The following RYR2 variants were observed in gnomAD, a reference collection of about 807,000 sequenced individuals.
RYR2 encodes the protein cardiac muscle ryanodine receptor-calcium release channel.
RYR2 carries 227 observed loss-of-function variants against 601.1 expected under a neutral mutation model. The ratio of observed to expected loss-of-function variants is 0.38; its 90% CI spans 0.34 to 0.42. The LOEUF is 0.42. Ranked by LOEUF, RYR2 falls within the 10% of genes least tolerant of loss-of-function variation. The probability of loss-of-function intolerance (pLI) is 1.00; values close to 1 mark genes in which losing one functional copy is unlikely to be tolerated. For missense variants in RYR2, 4,646 were observed against 6,156.5 expected (o/e 0.75, Z 8.21); for synonymous variants, 2,223 against 2,175.1 (o/e 1.02, Z -0.61).
intron 1 of RYR2, among the ~76,000 whole-genome samples, chr1:237,196,934 T>C (rs1680639485): frequency 6.6e-6 from 1 of 152,220 alleles, no homozygotes; most frequent in Non-Finnish European, 1.5e-5. Context: ...TGTTCCTGTT[T>C]AAAGTAACTG....
At chr1:237,524,139 CAA>C (rs1299606254) in intron 24 of RYR2, among the ~76,000 whole-genome samples, 1 of 152,124 alleles carries the variant, frequency 6.6e-6, no homozygotes, top group Non-Finnish European at 1.5e-5. Flanking sequence ...TCATAAGAGC[CAA>C]AAACTGGAAA....
intron 1 of RYR2, among the ~76,000 whole-genome samples, chr1:237,114,032 G>A (rs914372222): frequency 1.3e-5 from 2 of 152,162 alleles, no homozygotes. Context: ...GGTCACCTGG[G>A]CATTTCTTTA....
chr1:237,355,923 ATTTG>A (rs537823252), intron 3 of RYR2, 38 bp from the exon 4 acceptor site: 18 of 1,547,814 alleles, frequency 1.2e-5, no homozygotes, highest in South Asian at 4.7e-5. Flanking sequence ...ATTGCTAGGT[ATTTG>A]TTTGTTTGTT....
At chr1:237,203,265 G>C (rs866712409) in intron 1 of RYR2, among the ~76,000 whole-genome samples, 2 of 152,180 alleles carry the variant, frequency 1.3e-5, no homozygotes, top group African/African-American at 4.8e-5. Context: ...GTTAATACAG[G>C]TAGGTTACTT....
intron 53 of RYR2, among the ~76,000 whole-genome samples, chr1:237,656,402 A>G (rs2148825244): frequency 6.6e-6 from 1 of 152,286 alleles, no homozygotes; most frequent in East Asian, 1.9e-4. Flanking sequence ...ACCCATCACT[A>G]CATCTCAGCA....
intron 3 of RYR2, among the ~76,000 whole-genome samples, chr1:237,350,024 A>G (rs150544308): frequency 6.6e-6 from 1 of 152,166 alleles, no homozygotes; most frequent in African/African-American, 2.4e-5. Context: ...TGAGACCAAT[A>G]TAATACAAAT....
intron 12 of RYR2, among the ~76,000 whole-genome samples, chr1:237,438,856 C>T (rs1387725453): frequency 6.6e-6 from 1 of 152,186 alleles, no homozygotes; most frequent in Non-Finnish European, 1.5e-5. Flanking sequence ...GCTTTTGGTC[C>T]AAGTGCCTTT....
At chr1:237,347,365 T>C (rs1698395113) in intron 3 of RYR2, among the ~76,000 whole-genome samples, 1 of 152,078 alleles carries the variant, frequency 6.6e-6, no homozygotes, top group Non-Finnish European at 1.5e-5. Context: ...AAAATACATA[T>C]GTATAATAAT....
chr1:237,291,101 G>T (rs769722671), intron 2 of RYR2, among the ~76,000 whole-genome samples: 6 of 152,086 alleles, frequency 3.9e-5, no homozygotes, highest in Non-Finnish European at 8.8e-5. Context: ...GTTTAAGAAG[G>T]TCATAATTGG....
rs1181934517 is a variant in RYR2, at chr1:237,788,096, A to G, written c.13437A>G (p.Ala4479=). The change falls in exon 92 of 105, where the codon GCA becomes GCG. Residue 4479 remains alanine (A), a synonymous_variant. Transcript: ENST00000366574. ...GAGAACCAGAAGTGCCAGAGTCAGC[A>G]TTCTGGAAGAAAATCATAGCATATC... The part of the protein sequence containing the change: ...RYGEPEVPES[A]FWKKIIAYQQ... The G allele has an allele frequency of 6.2e-7, 1 of 1,611,972 alleles. No homozygotes were observed. The highest frequency in any genetic ancestry group is 8.5e-7 in the Non-Finnish European group (1 of 1,179,028).
intron 97 of RYR2, among the ~76,000 whole-genome samples, chr1:237,799,388 G>A (rs552165661): frequency 6.6e-6 from 1 of 152,168 alleles, no homozygotes; most frequent in South Asian, 2.1e-4. Context: ...TGCATTTTCT[G>A]TGGTCATATT....
chr1:237,307,785 G>A (rs934850519), intron 2 of RYR2, among the ~76,000 whole-genome samples: 1 of 152,182 alleles, frequency 6.6e-6, no homozygotes, highest in Non-Finnish European at 1.5e-5. Flanking sequence ...GTTAATTTGG[G>A]CTATTAATAG....
rs955216391 is a variant in RYR2, at chr1:237,614,982, A to G, written c.5715+139A>G. 2.3e-6 allele frequency: 2 copies of G among 880,114 alleles called. No individual in the cohort carries two copies. Among genetic ancestry groups the G allele is most frequent in the East Asian group, 2.7e-5 (1 of 37,168 alleles). The allele number at this position is 880,114 out of a possible 1,614,324, so 54.5% of individuals were successfully genotyped here. On this transcript the variant is annotated intron_variant, in intron 37 of 104. Transcript: ENST00000366574. This position sits in a 1 kb window ranked among gnomAD's most constrained non-coding sequence, Gnocchi z 4.3. The stretch of plus-strand genomic sequence containing the variant: ...ATGGTAGTTCTTCATAAAATTAACT[A>G]ACTTCCTATTCTTTTCCCTCTTATT...
intron 69 of RYR2, 77 bp from the exon 70 acceptor site, chr1:237,709,403 T>C: frequency 1.1e-6 from 1 of 909,560 alleles, no homozygotes; most frequent in Non-Finnish European, 1.7e-6. Context: ...ACATTTAACT[T>C]TGGGGGGATG....
At chr1:237,515,473 T>TG (rs1666323787) in intron 24 of RYR2, among the ~76,000 whole-genome samples, 1 of 152,144 alleles carries the variant, frequency 6.6e-6, no homozygotes, top group East Asian at 1.9e-4. Flanking sequence ...TGGTGAAGGA[T>TG]GGGAGGAATA....
chr1:237,361,873 G>T (rs1007872750), intron 4 of RYR2, among the ~76,000 whole-genome samples: 49 of 152,232 alleles, frequency 3.2e-4, no homozygotes, highest in African/African-American at 1.2e-3. Context: ...TCAGAGTAAA[G>T]TATTGCTATT....
chr1:237,554,733 G>C, intron 27 of RYR2, among the ~76,000 whole-genome samples: 1 of 151,898 alleles, frequency 6.6e-6, no homozygotes, highest in Middle Eastern at 3.2e-3. Context: ...CTGTAAATTA[G>C]TTCATTTAAT....
intron 14 of RYR2, among the ~76,000 whole-genome samples, chr1:237,447,836 CCT>C (rs1383801433): frequency 2.0e-5 from 3 of 148,614 alleles, no homozygotes; most frequent in East Asian, 2.0e-4. Flanking sequence ...TCCCTCCCTC[CCT>C]CTTTCCCCTC....
At chr1:237,154,373 T>A (rs1368502821) in intron 1 of RYR2, among the ~76,000 whole-genome samples, 1 of 152,198 alleles carries the variant, frequency 6.6e-6, no homozygotes, top group Non-Finnish European at 1.5e-5. Context: ...GCCTGAGATA[T>A]GTTGAAACCT....
Sources: gnomAD v4.1 joint callset for allele counts (sites outside exome capture counted in the v4.1 genomes callset) on GRCh38, gnomAD v4.1.1 for gene constraint, Gnocchi (gnomAD v3.1) non-coding constraint, MANE v1.5 for transcripts, NCBI Gene and HGNC (gene_info 2026-07-23, HGNC 2026-07-21) for gene names.